AAMDC: variants seen among roughly 807,000 people sequenced by gnomAD.
The protein encoded by AAMDC is mth938 domain-containing protein.
AAMDC carries 16 observed loss-of-function variants against 15.5 expected under a neutral mutation model. That is an observed-to-expected ratio of 1.03 (90% CI 0.70 to 1.57). The LOEUF is 1.57. Among genes scored for constraint, AAMDC ranks in the 40% most tolerant of loss-of-function variants. The pLI is 0.00. For synonymous variants in AAMDC, 51 were observed against 51.6 expected, an observed-to-expected ratio of 0.99 and a Z score of 0.05; for missense variants, 141 against 144.9, an observed-to-expected ratio of 0.97 and a Z score of 0.14.
chr11:77,876,776 C>T (rs1951606363), downstream of AAMDC, among the ~76,000 whole-genome samples: 1 of 152,222 alleles, frequency 6.6e-6, no homozygotes, highest in African/African-American at 2.4e-5. Flanking sequence ...AGGAGACAGA[C>T]ATTATCTCAA....
chr11:77,902,398 T>C (rs1206252339), downstream of AAMDC, among the ~76,000 whole-genome samples: 1 of 152,244 alleles, frequency 6.6e-6, no homozygotes, highest in Non-Finnish European at 1.5e-5. Context: ...TATCGGGTTC[T>C]AGTCATTAAA....
intron 2 of AAMDC, among the ~76,000 whole-genome samples, chr11:77,862,301 C>T (rs1288481839): frequency 6.6e-6 from 1 of 152,134 alleles, no homozygotes; most frequent in African/African-American, 2.4e-5. Flanking sequence ...TCTCATTTGG[C>T]GTTAGTGTCT....
chr11:77,873,025 G>C (rs1490987610), downstream of AAMDC, among the ~76,000 whole-genome samples: 1 of 152,184 alleles, frequency 6.6e-6, no homozygotes, highest in African/African-American at 2.4e-5. Context: ...GGCTCAGATA[G>C]TCTTTGTTCT....
chr11:77,883,097 A>AATAATC (rs1951856422), intron 5 of AAMDC, among the ~76,000 whole-genome samples: 1 of 151,700 alleles, frequency 6.6e-6, no homozygotes, highest in East Asian at 1.9e-4. Context: ...TAATAATAAT[A>AATAATC]ATAGCCTTAT....
At chr11:77,879,289 C>A (rs1951700760) in intron 5 of AAMDC, among the ~76,000 whole-genome samples, 1 of 152,246 alleles carries the variant, frequency 6.6e-6, no homozygotes, top group African/African-American at 2.4e-5. Flanking sequence ...ACTGAGCCTG[C>A]AGATGTGATG....
At chr11:77,885,269 G>A (rs934362438) in intron 5 of AAMDC, among the ~76,000 whole-genome samples, 1 of 151,728 alleles carries the variant, frequency 6.6e-6, no homozygotes, top group Admixed American at 6.6e-5. Context: ...TAGAGATGGG[G>A]TTTCACCATG....
Position 77,862,260 on chromosome 11 carries a change from A to C in AAMDC, c.133-7462A>C, listed in dbSNP as rs983865125. Among the ~76,000 whole-genome samples the C allele has an allele frequency of 4.6e-5, 7 of 152,308 alleles. No homozygotes were observed. In the South Asian group the frequency reaches 1.0e-3, roughly 23 times the overall value. ...TGACCTGAGATACCAGAGATCGCCA[A>C]ACTCTCGGGCTGCAGTTATGATGGC... On this transcript the variant is annotated intron_variant, in intron 2 of 3. Transcript: ENST00000393427.
intron 2 of AAMDC, among the ~76,000 whole-genome samples, chr11:77,843,110 C>T (rs1391373699): frequency 6.6e-6 from 1 of 152,168 alleles, no homozygotes; most frequent in Non-Finnish European, 1.5e-5. Flanking sequence ...TTCCAAGGCA[C>T]CTGCACCATT....
intron 1 of AAMDC, among the ~76,000 whole-genome samples, chr11:77,823,512 T>C (rs1287900687): frequency 6.6e-6 from 1 of 150,422 alleles, no homozygotes; most frequent in Non-Finnish European, 1.5e-5. Context: ...GGAGGACCCC[T>C]TGAGCCAAGG....
chr11:77,877,978 A>G (rs1951645302), intron 5 of AAMDC, among the ~76,000 whole-genome samples: 2 of 152,188 alleles, frequency 1.3e-5, no homozygotes, highest in African/African-American at 4.8e-5. Flanking sequence ...CCTGTTTCCC[A>G]TAATCTTGAT....
chr11:77,845,064 G>A (rs1950086134), intron 2 of AAMDC, among the ~76,000 whole-genome samples: 1 of 152,158 alleles, frequency 6.6e-6, no homozygotes, highest in Non-Finnish European at 1.5e-5. Context: ...ACTATGATAT[G>A]TCTAGGTATG....
chr11:77,821,856 G>A (rs1295046737), intron 1 of AAMDC, among the ~76,000 whole-genome samples: 1 of 152,128 alleles, frequency 6.6e-6, no homozygotes, highest in African/African-American at 2.4e-5. Context: ...GATTCAGCCA[G>A]GCCTGAGTCC....
rs529109168 is a variant in AAMDC at position 77,891,368 on chromosome 11, T to G, written c.329-9203T>G. ...ATCCTGCACATGCTCCAGGGTTGCA[T>G]CAACATCCAGGGCAACCACCAACCC... is the stretch of plus-strand genomic sequence containing the variant. On this transcript the variant is annotated intron_variant, in intron 5 of 5. Coordinates refer to the AAMDC transcript ENST00000304716. 3 of 1,611,484 alleles carry G rather than the reference T, an allele frequency of 1.9e-6. No homozygotes were observed. The African/African-American group carries it at 4.0e-5, about 21-fold the overall frequency.
intron 3 of AAMDC, 152 bp from the exon 4 acceptor site, chr11:77,872,023 C>A: frequency 1.5e-6 from 1 of 687,952 alleles, no homozygotes. Context: ...CATTGGGGCT[C>A]ACTGCCAAAT....
chr11:77,868,935 G>T, intron 2 of AAMDC: 1 of 230,146 alleles, frequency 4.3e-6, no homozygotes, highest in Non-Finnish European at 8.7e-6. Flanking sequence ...CAATTCTCTT[G>T]GCAAGAATCT....
At chr11:77,882,827 T>C (rs182775970) in intron 5 of AAMDC, among the ~76,000 whole-genome samples, 6 of 152,240 alleles carry the variant, frequency 3.9e-5, no homozygotes, top group Admixed American at 1.3e-4. Flanking sequence ...TCCCACTACT[T>C]TGGGAGGCCA....
intron 2 of AAMDC, among the ~76,000 whole-genome samples, chr11:77,849,954 A>G (rs970727441): frequency 1.3e-5 from 2 of 152,122 alleles, no homozygotes; most frequent in African/African-American, 4.8e-5. Flanking sequence ...AGCACAGTTC[A>G]CTTGTATTAT....
chr11:77,842,591 G>T lies in AAMDC; in HGVS notation c.95G>T (p.Gly32Val). The T allele has an allele frequency of 1.2e-6, 2 of 1,614,026 alleles. No homozygotes were observed. The highest frequency in any genetic ancestry group is 1.7e-6 in the Non-Finnish European group (2 of 1,179,950). ...TYKDCKVWPG[G>V]SRTWDWRETG... ...AAGGACTGCAAAGTATGGCCAGGGG[G>T]TAGTCGGACTTGGGATTGGAGAGAA... Residue 32 changes from glycine (G) to valine (V), a missense_variant, in exon 2 of 4, where the codon GGT becomes GTT. By Grantham distance (109) the Gly-to-Val change is moderately radical (BLOSUM62 -3). Transcript: ENST00000393427.
intron 1 of AAMDC, among the ~76,000 whole-genome samples, chr11:77,822,989 G>T (rs1309075985): frequency 6.6e-6 from 1 of 152,076 alleles, no homozygotes; most frequent in Non-Finnish European, 1.5e-5. Flanking sequence ...GTCGAGACGG[G>T]CGGGTCACGA....
Sources: gnomAD v4.1 joint callset for allele counts (sites outside exome capture counted in the v4.1 genomes callset) on GRCh38, gnomAD v4.1.1 for gene constraint, MANE v1.5 for transcripts, NCBI Gene and HGNC (gene_info 2026-07-23, HGNC 2026-07-21) for gene names.